MB21D2: variants seen among roughly 807,000 people sequenced by gnomAD.
MB21D2 encodes Mab-21 domain containing 2.
Under a neutral mutation model 33.3 loss-of-function variants are expected in MB21D2, and 9 were observed. The ratio of observed to expected loss-of-function variants is 0.27; its 90% CI spans 0.16 to 0.47. The LOEUF (loss-of-function observed/expected upper bound fraction) is 0.47, where lower values mean the gene tolerates loss of function less well. Among genes scored for constraint, MB21D2 ranks in the 20% least tolerant of loss-of-function variants. The pLI, the probability that MB21D2 is intolerant of heterozygous loss-of-function variation, is 0.99. For synonymous variants in MB21D2, 241 were observed against 236.3 expected, an observed-to-expected ratio of 1.02 and a Z score of -0.18; for missense variants, 540 against 624.6, an observed-to-expected ratio of 0.86 and a Z score of 1.44.
chr3:192,886,097 T>C (rs1450711924), intron 1 of MB21D2, among the ~76,000 whole-genome samples: 4 of 151,984 alleles, frequency 2.6e-5, no homozygotes. Flanking sequence ...GTAGCTGGGA[T>C]TACAGGCGCC....
chr3:192,870,928 C>T (rs9812181), intron 1 of MB21D2, among the ~76,000 whole-genome samples: 90,141 of 151,944 alleles, frequency 0.59, 28,164 homozygotes, highest in African/African-American at 0.78. Context: ...AATGTGAGGA[C>T]AGTTGGTTAT....
intron 1 of MB21D2, among the ~76,000 whole-genome samples, chr3:192,820,847 C>A (rs1712035178): frequency 6.6e-6 from 1 of 152,206 alleles, no homozygotes; most frequent in South Asian, 2.1e-4. Flanking sequence ...TCACTCCAGC[C>A]TCAAACTCTT....
chr3:192,805,458 A>AT (rs1711642104), intron 1 of MB21D2, among the ~76,000 whole-genome samples: 1 of 152,244 alleles, frequency 6.6e-6, no homozygotes, highest in African/African-American at 2.4e-5. Context: ...AGACAACTGC[A>AT]TATAATTTTA....
rs188845515 is a variant in MB21D2, at chr3:192,826,893, T to C, written c.212-27243A>G. Among the ~76,000 whole-genome samples the C allele has an allele frequency of 4.6e-3, 696 of 151,562 alleles. 3 individuals carry two copies. The highest frequency in any genetic ancestry group is 0.016 in the African/African-American group (665 of 41,406). On this transcript the variant is annotated intron_variant, in intron 1 of 1. Coordinates refer to ENST00000392452, the MANE Select transcript of MB21D2 (RefSeq NM_178496.4). ...TTGGCTTCAATTGTTTTCCCTTTCC[T>C]TCTTTTTTTTTTTTTTGAGATGGAG...
intron 1 of MB21D2, among the ~76,000 whole-genome samples, chr3:192,828,441 T>C (rs1359964828): frequency 6.6e-6 from 1 of 151,334 alleles, no homozygotes; most frequent in Non-Finnish European, 1.5e-5. Context: ...CCAAGATGCC[T>C]GTGTCCCTGA....
chr3:192,881,066 C>T (rs902167382), intron 1 of MB21D2, among the ~76,000 whole-genome samples: 1 of 151,968 alleles, frequency 6.6e-6, no homozygotes, highest in Admixed American at 6.5e-5. Context: ...AAAAATTGTT[C>T]ACAGTAATTA....
chr3:192,818,784 A>G (rs981203224), intron 1 of MB21D2, among the ~76,000 whole-genome samples: 3 of 152,050 alleles, frequency 2.0e-5, no homozygotes, highest in Non-Finnish European at 4.4e-5. Flanking sequence ...TTTTTAATGC[A>G]ATTATGCAGA....
intron 1 of MB21D2, among the ~76,000 whole-genome samples, chr3:192,863,287 T>G (rs1713089447): frequency 6.6e-6 from 1 of 152,160 alleles, no homozygotes. Context: ...ACTCCAGAAC[T>G]GTGAGGGAAC....
At chr3:192,871,294 G>A (rs1451724554) in intron 1 of MB21D2, among the ~76,000 whole-genome samples, 2 of 152,146 alleles carry the variant, frequency 1.3e-5, no homozygotes, top group Non-Finnish European at 2.9e-5. Flanking sequence ...ACTACCTTAT[G>A]AAAAATGACG....
chr3:192,881,810 C>T (rs999675101), intron 1 of MB21D2, among the ~76,000 whole-genome samples: 1 of 152,122 alleles, frequency 6.6e-6, no homozygotes, highest in Admixed American at 6.5e-5. Context: ...GCTATAAATG[C>T]CACATGAGCA....
chr3:192,879,417 G>T (rs552818143), intron 1 of MB21D2, among the ~76,000 whole-genome samples: 6 of 152,344 alleles, frequency 3.9e-5, no homozygotes, highest in Non-Finnish European at 7.3e-5. Flanking sequence ...CATTAACCAC[G>T]GGCACAAAGC....
chr3:192,813,300 ATTTT>A (rs59125169), intron 1 of MB21D2, among the ~76,000 whole-genome samples: 986 of 43,092 alleles, frequency 0.023, 16 homozygotes, highest in African/African-American at 0.056. Flanking sequence ...ACTGCAGTTA[ATTTT>A]TTTTTTTTTT....
intron 1 of MB21D2, among the ~76,000 whole-genome samples, chr3:192,905,635 C>CAAAAAAAAAAAAA (rs142676577): frequency 2.4e-5 from 2 of 84,982 alleles, no homozygotes; most frequent in East Asian, 3.3e-4. Flanking sequence ...CGCCCTGTCT[C>CAAAAAAAAAAAAA]AAAAAAAAAA....
intron 1 of MB21D2, among the ~76,000 whole-genome samples, chr3:192,886,084 C>G (rs1242226723): frequency 6.6e-6 from 1 of 152,020 alleles, no homozygotes; most frequent in Non-Finnish European, 1.5e-5. Flanking sequence ...CTCAGCCTCC[C>G]AAGTAGCTGG....
intron 1 of MB21D2, among the ~76,000 whole-genome samples, chr3:192,899,745 C>T (rs1714052994): frequency 6.8e-6 from 1 of 147,834 alleles, no homozygotes; most frequent in South Asian, 2.2e-4. Flanking sequence ...GCAGAATTGA[C>T]AGGCCTCATT....
intron 1 of MB21D2, among the ~76,000 whole-genome samples, chr3:192,902,346 C>A (rs1227391040): frequency 6.6e-6 from 1 of 152,184 alleles, no homozygotes; most frequent in Non-Finnish European, 1.5e-5. Context: ...AGGGAAGGAG[C>A]CAGACTGCCG....
At position 192,890,308 on chromosome 3, in the gene MB21D2, C is replaced by A. The variant is rs551212680; in HGVS notation, c.211+27322G>T. On this transcript the variant is annotated intron_variant, in intron 1 of 1. Coordinates refer to ENST00000392452, the MANE Select transcript of MB21D2 (RefSeq NM_178496.4). ...CACAGATGCCAGGAGAAATTCCCAA[C>A]ATAAATAAAAAGACTAAGAAGGTTT... Among the ~76,000 whole-genome samples, 5 of 152,108 alleles carry A rather than the reference C, an allele frequency of 3.3e-5. No homozygotes were observed. In the South Asian group the frequency reaches 1.0e-3, roughly 32 times the overall value.
intron 1 of MB21D2, among the ~76,000 whole-genome samples, chr3:192,815,711 T>C (rs1711907176): frequency 2.0e-5 from 3 of 152,170 alleles, no homozygotes; most frequent in South Asian, 4.1e-4. Context: ...TCTCATTCTG[T>C]ACAATTGGGG....
chr3:192,811,819 A>T (rs1342124932), intron 1 of MB21D2, among the ~76,000 whole-genome samples: 1 of 152,166 alleles, frequency 6.6e-6, no homozygotes, highest in Non-Finnish European at 1.5e-5. Context: ...TCACTCCAGG[A>T]ACCAACCATC....
Sources: allele counts gnomAD v4.1 joint callset (sites outside exome capture counted in the v4.1 genomes callset), GRCh38; gene constraint gnomAD v4.1.1; transcripts MANE v1.5; gene names NCBI Gene and HGNC (gene_info 2026-07-23, HGNC 2026-07-21).